The following UBXN4 variants were observed in gnomAD, a reference collection of about 807,000 sequenced individuals.
The protein encoded by UBXN4 is UBX domain-containing protein 4.
A neutral mutation model predicts 66.2 loss-of-function variants in UBXN4; 35 were observed. The observed-to-expected ratio is 0.53, with a 90% CI of 0.40 to 0.70. The LOEUF (loss-of-function observed/expected upper bound fraction) is 0.70, where lower values mean the gene tolerates loss of function less well. Among genes scored for constraint, UBXN4 ranks in the 30% least tolerant of loss-of-function variants. The probability of loss-of-function intolerance (pLI) is 0.00; values close to 1 mark genes in which losing one functional copy is unlikely to be tolerated. For synonymous variants in UBXN4, 203 were observed against 204.5 expected, an observed-to-expected ratio of 0.99 and a Z score of 0.06; for missense variants, 533 against 599.8, an observed-to-expected ratio of 0.89 and a Z score of 1.16.
chr2:135,764,896 C>T (rs1245848974), intron 6 of UBXN4, among the ~76,000 whole-genome samples: 1 of 152,216 alleles, frequency 6.6e-6, no homozygotes, highest in African/African-American at 2.4e-5. Context: ...CTCACTGCAA[C>T]CTCCTCCACC....
chr2:135,754,955 T>A (rs890356534), intron 4 of UBXN4, among the ~76,000 whole-genome samples: 3 of 152,040 alleles, frequency 2.0e-5, no homozygotes, highest in Non-Finnish European at 4.4e-5. Flanking sequence ...AGCTAATTTT[T>A]GCATTTTTAG....
At chr2:135,750,835 CTTTTTTTTTTTTTTTTTTTTTTTTT>C (rs1166056661) in intron 2 of UBXN4, among the ~76,000 whole-genome samples, 2 of 77,438 alleles carry the variant, frequency 2.6e-5, no homozygotes, top group African/African-American at 5.2e-5. Flanking sequence ...ATGTGTCTGG[CTTTTTTTTTTTTTTTTTTTTTTTTT>C]TTTTTTTTTT....
In UBXN4 at chr2:135,780,328, T is replaced by A. The variant is rs2077441842; in HGVS notation, c.1331T>A (p.Val444Glu). The A allele has an allele frequency of 6.2e-7, 1 of 1,614,054 alleles. No individual in the cohort carries two copies. Among genetic ancestry groups the A allele is most frequent in the South Asian group, 1.1e-5 (1 of 91,076 alleles). Residue 444 changes from valine to glutamate, a missense_variant, in exon 12 of 13, where the codon GTG (valine) becomes GAG (glutamate). Val to Glu is a moderately radical substitution (Grantham distance 121). Coordinates refer to ENST00000272638, the MANE Select transcript of UBXN4 (RefSeq NM_014607.4). Reference protein sequence around the residue: ...FSNPPPTQTSVRVTSSEPPNP... With the variant: ...FSNPPPTQTSERVTSSEPPNP... The stretch of plus-strand genomic sequence containing the variant: ...AATCCGCCTCCCACACAGACTTCAG[T>A]GAGAGTAACATCGTCAGAACCCCCA...
chr2:135,752,469 G>A (rs905127436), intron 2 of UBXN4, among the ~76,000 whole-genome samples: 1 of 152,180 alleles, frequency 6.6e-6, no homozygotes, highest in African/African-American at 2.4e-5. Flanking sequence ...GTGATCCACA[G>A]TGCTGGCCTG....
At chr2:135,750,083 C>G (rs1276252293) in intron 2 of UBXN4, among the ~76,000 whole-genome samples, 1 of 152,188 alleles carries the variant, frequency 6.6e-6, no homozygotes, top group Non-Finnish European at 1.5e-5. Flanking sequence ...AGATAATACC[C>G]TGTTTTCTCT....
chr2:135,762,392 CAT>C (rs2077320706), intron 6 of UBXN4, among the ~76,000 whole-genome samples: 1 of 152,120 alleles, frequency 6.6e-6, no homozygotes, highest in Non-Finnish European at 1.5e-5. Flanking sequence ...ATTGTCAAAT[CAT>C]AGTCTTTTAT....
Sources: allele counts gnomAD v4.1 joint callset (sites outside exome capture counted in the v4.1 genomes callset), GRCh38; gene constraint gnomAD v4.1.1; transcripts MANE v1.5; gene names NCBI Gene and HGNC (gene_info 2026-07-23, HGNC 2026-07-21).